EVI5: variants seen among roughly 807,000 people sequenced by gnomAD.
EVI5 encodes ecotropic viral integration site 5.
In EVI5, 73 loss-of-function variants were observed where a neutral mutation model predicts 112.0. The observed-to-expected ratio is 0.65, with a 90% CI of 0.54 to 0.79. The LOEUF (loss-of-function observed/expected upper bound fraction) is 0.79. Ranked by LOEUF, EVI5 falls within the 30% of genes least tolerant of loss-of-function variation. The probability of loss-of-function intolerance (pLI) is 0.00; values close to 1 mark genes in which losing one functional copy is unlikely to be tolerated. For missense variants in EVI5, 900 were observed against 968.8 expected (o/e 0.93, Z 0.94); for synonymous variants, 305 against 319.9 (o/e 0.95, Z 0.50).
At position 92,631,307 on chromosome 1, in the gene EVI5, C is replaced by T. The variant is rs183358295; in HGVS notation, c.1527+4895G>A. 2.8e-3 allele frequency among the ~76,000 whole-genome samples: 427 copies of T among 152,298 alleles called. 7 individuals carry two copies. Among genetic ancestry groups the T allele is most frequent in the African/African-American group, 9.7e-3 (405 of 41,576 alleles). ...TTTCACAATATTGATTCTTCCTACC[C>T]ATGAGCATGGAATGTTATTCCATCT... On this transcript the variant is annotated intron_variant, in intron 14 of 19. Transcript: ENST00000684568.
At chr1:92,567,966 GA>G (rs2100958440) in intron 18 of EVI5, among the ~76,000 whole-genome samples, 1 of 152,276 alleles carries the variant, frequency 6.6e-6, no homozygotes, top group African/African-American at 2.4e-5. Flanking sequence ...TGAACTAACA[GA>G]ATAACTAACA....
chr1:92,792,309 T>G, intron 1 of EVI5: 2 of 1,385,110 alleles, frequency 1.4e-6, no homozygotes, highest in South Asian at 2.3e-5. Context: ...TTTATAAGTT[T>G]TAATATAAAA....
chr1:92,714,585 A>C (rs1047050854), intron 2 of EVI5, among the ~76,000 whole-genome samples: 2 of 152,158 alleles, frequency 1.3e-5, no homozygotes, highest in Non-Finnish European at 2.9e-5. Flanking sequence ...TTGTCATTTT[A>C]CTTTACTTAA....
At chr1:92,770,118 C>T (rs980017613) in intron 1 of EVI5, among the ~76,000 whole-genome samples, 1 of 152,168 alleles carries the variant, frequency 6.6e-6, no homozygotes, top group Admixed American at 6.5e-5. Context: ...TCCCCCAGAG[C>T]CTCCAGAAGA....
chr1:92,738,456 TA>T (rs1677805808), intron 1 of EVI5, among the ~76,000 whole-genome samples: 1 of 152,222 alleles, frequency 6.6e-6, no homozygotes, highest in South Asian at 2.1e-4. Context: ...ATTAATGCTT[TA>T]CATTTTCATT....
chr1:92,607,860 C>A (rs1351196647), intron 16 of EVI5, 133 bp from the exon 17 acceptor site: 1 of 584,616 alleles, frequency 1.7e-6, no homozygotes, highest in Non-Finnish European at 2.8e-6. Flanking sequence ...TCAACAAAAT[C>A]AACATTAAAA....
rs568248085 is a variant in EVI5 at position 92,683,934 on chromosome 1, C to T, written c.1098-6716G>A. On this transcript the variant is annotated intron_variant, in intron 9 of 19. Transcript: ENST00000684568. Reference sequence around the variant, plus strand: ...ACCAAATATACATTTGATTGTTGTACCAGAAAGTGATGGGGACAATGGAAC... The same window carrying T: ...ACCAAATATACATTTGATTGTTGTATCAGAAAGTGATGGGGACAATGGAAC... 2.0e-5 allele frequency among the ~76,000 whole-genome samples: 3 copies of T among 152,232 alleles called. No homozygotes were observed. In the South Asian group the frequency reaches 6.2e-4, roughly 32 times the overall value.
intron 1 of EVI5, among the ~76,000 whole-genome samples, chr1:92,758,394 C>T (rs1459263215): frequency 6.6e-6 from 1 of 152,000 alleles, no homozygotes; most frequent in Non-Finnish European, 1.5e-5. Context: ...CATGGCAAAA[C>T]CCCGTCTCTA....
At chr1:92,617,990 G>T (rs1248536785) in intron 16 of EVI5, among the ~76,000 whole-genome samples, 3 of 152,134 alleles carry the variant, frequency 2.0e-5, no homozygotes, top group Non-Finnish European at 2.9e-5. Flanking sequence ...GGAATTCACT[G>T]GTCTTACCAT....
chr1:92,527,426 A>AAAAAGAAAAG (rs1404259324), intron 19 of EVI5, among the ~76,000 whole-genome samples: 13 of 137,450 alleles, frequency 9.5e-5, no homozygotes, highest in Non-Finnish European at 1.7e-4. Context: ...AAAAAAAAAA[A>AAAAAGAAAAG]AAAAAAAGAA....
chr1:92,644,695 T>C (rs1407695538), intron 13 of EVI5, among the ~76,000 whole-genome samples: 1 of 152,206 alleles, frequency 6.6e-6, no homozygotes, highest in Non-Finnish European at 1.5e-5. Context: ...GCATTAGATG[T>C]GTCCCACAAA....
Position 92,695,335 on chromosome 1 carries a change from C to T in EVI5, c.884G>A (p.Arg295Lys), listed in dbSNP as rs535537823. Residue 295 changes from arginine (R) to lysine (K), a missense_variant, in exon 7 of 20, where the codon AGG becomes AAG. Coordinates refer to ENST00000684568, the MANE Select transcript of EVI5 (RefSeq NM_001350197.2). Reference sequence around the variant, plus strand: ...CTCAGACATAAAGATATCAAATATCCTTGTTGCAATTGGTAGTGGAAAAGT... The same window carrying T: ...CTCAGACATAAAGATATCAAATATCTTTGTTGCAATTGGTAGTGGAAAAGT... ...LTTFPLPIAT[R>K]IFDIFMSEGL... 3.4e-5 allele frequency: 54 copies of T among 1,611,392 alleles called. No individual in the cohort carries two copies. The East Asian group carries it at 9.4e-4, about 28-fold the overall frequency.
At chr1:92,578,672 C>T (rs1047875889) in intron 18 of EVI5, among the ~76,000 whole-genome samples, 7 of 150,126 alleles carry the variant, frequency 4.7e-5, no homozygotes, top group Non-Finnish European at 8.9e-5. Flanking sequence ...GAGCTGAGAT[C>T]GCGCCACTGC....
intron 18 of EVI5, among the ~76,000 whole-genome samples, chr1:92,586,349 G>T (rs569811909): frequency 6.6e-5 from 10 of 152,142 alleles, no homozygotes; most frequent in Admixed American, 5.9e-4. Context: ...GAATTCTTCT[G>T]CATATTTGTC....
Position 92,703,471 on chromosome 1 carries a change from G to C in EVI5, c.488C>G (p.Ala163Gly), listed in dbSNP as rs201206544. ...AAAGTTGTGTTCAGGGTAAGTTCTA[G>C]CAATGTCCCTTCGGATCAATTTTTC... ...PCEKLIRRDI[A>G]RTYPEHNFFK... Residue 163 changes from alanine to glycine, a missense_variant, in exon 4 of 20, where the codon GCT (alanine) becomes GGT (glycine). By Grantham distance (60) the Ala-to-Gly change is moderately conservative. Transcript: ENST00000684568. 1 of 1,600,150 alleles carries C rather than the reference G, an allele frequency of 6.2e-7. No individual in the cohort carries two copies. The highest frequency in any genetic ancestry group is 1.1e-5 in the South Asian group (1 of 87,692).
At chr1:92,649,996 T>C (rs1373780520) in intron 13 of EVI5, among the ~76,000 whole-genome samples, 2 of 152,226 alleles carry the variant, frequency 1.3e-5, no homozygotes, top group Non-Finnish European at 2.9e-5. Context: ...TGGCCATAGA[T>C]GTATGGGTTT....
chr1:92,643,921 AAG>A (rs3860334), intron 13 of EVI5, among the ~76,000 whole-genome samples: 86,857 of 151,732 alleles, frequency 0.57, 26,598 homozygotes, highest in East Asian at 0.92. Flanking sequence ...AAAAGAAAAA[AAG>A]AGAAAGATTC....
At chr1:92,657,794 A>T (rs527814130) in intron 13 of EVI5, among the ~76,000 whole-genome samples, 15 of 152,350 alleles carry the variant, frequency 9.8e-5, no homozygotes, top group South Asian at 8.3e-4. Context: ...TACAGGAAGC[A>T]CTGGCATTTA....
At chr1:92,750,889 G>A (rs1004807129) in intron 1 of EVI5, among the ~76,000 whole-genome samples, 12 of 152,154 alleles carry the variant, frequency 7.9e-5, no homozygotes, top group Admixed American at 2.0e-4. Flanking sequence ...GGTGGCTCAC[G>A]CCTGTAATCC....
Sources: gnomAD v4.1 joint callset for allele counts (sites outside exome capture counted in the v4.1 genomes callset) on GRCh38, gnomAD v4.1.1 for gene constraint, MANE v1.5 for transcripts, NCBI Gene and HGNC (gene_info 2026-07-23, HGNC 2026-07-21) for gene names.